The following MACROD2 variants were observed in gnomAD, a reference collection of about 807,000 sequenced individuals.
MACROD2 encodes the protein mono-ADP ribosylhydrolase 2, also known as ADP-ribose glycohydrolase MACROD2.
A neutral mutation model predicts 70.4 loss-of-function variants in MACROD2; 36 were observed. That is an observed-to-expected ratio of 0.51 (90% confidence interval 0.39 to 0.68). The LOEUF (loss-of-function observed/expected upper bound fraction) is 0.68. Among genes scored for constraint, MACROD2 ranks in the 30% least tolerant of loss-of-function variants. The probability of loss-of-function intolerance (pLI) is 0.00; values close to 1 mark genes in which losing one functional copy is unlikely to be tolerated. For missense variants in MACROD2, 496 were observed against 538.4 expected (o/e 0.92, Z 0.78); for synonymous variants, 172 against 178.8 (o/e 0.96, Z 0.30).
chr20:15,393,928 G>A (rs1305585025), intron 6 of MACROD2, among the ~76,000 whole-genome samples: 1 of 152,022 alleles, frequency 6.6e-6, no homozygotes, highest in East Asian at 1.9e-4. Context: ...ATGTACCCTT[G>A]CCTCTGACCT....
At chr20:13,997,214 A>G (rs2052674897) in intron 1 of MACROD2, among the ~76,000 whole-genome samples, 3 of 152,222 alleles carry the variant, frequency 2.0e-5, no homozygotes. Flanking sequence ...ATAGAGAGCT[A>G]ACACTTCTGG....
chr20:14,753,672 A>G (rs1482344142), intron 5 of MACROD2, among the ~76,000 whole-genome samples: 1 of 152,144 alleles, frequency 6.6e-6, no homozygotes, highest in Admixed American at 6.5e-5. Flanking sequence ...GATTTATCTG[A>G]CAGCTTATAG....
At chr20:14,865,829 G>C (rs1402489006) in intron 5 of MACROD2, among the ~76,000 whole-genome samples, 1 of 152,062 alleles carries the variant, frequency 6.6e-6, no homozygotes, top group Non-Finnish European at 1.5e-5. Context: ...GCAAGCCTAG[G>C]TTCTGCCTTG....
In MACROD2 at chr20:14,326,219, C is replaced by G. The variant is rs2082731899; in HGVS notation, c.272-167260C>G. On this transcript the variant is annotated intron_variant, in intron 3 of 17. Transcript: ENST00000684519. This position sits in a 1 kb window ranked among gnomAD's most constrained non-coding sequence, Gnocchi z 5.5. The stretch of plus-strand genomic sequence containing the variant: ...AGTCTCAAAGCAGTCATAGGTAGAG[C>G]AAGTTTCCAAGAGATATGAATGGTA... 6 of 1,613,904 alleles carry G rather than the reference C, an allele frequency of 3.7e-6. No individual in the cohort carries two copies. Among genetic ancestry groups the G allele is most frequent in the East Asian group, 2.2e-5 (1 of 44,868 alleles).
chr20:15,682,649 A>T (rs1021476874), intron 8 of MACROD2, among the ~76,000 whole-genome samples: 2 of 152,186 alleles, frequency 1.3e-5, no homozygotes, highest in African/African-American at 4.8e-5. Context: ...TGCAGGTGGA[A>T]TTTTATCAAA....
intron 2 of MACROD2, among the ~76,000 whole-genome samples, chr20:14,070,768 G>A (rs1456010767): frequency 6.6e-6 from 1 of 152,128 alleles, no homozygotes; most frequent in Non-Finnish European, 1.5e-5. Context: ...TCTGAATCCT[G>A]TCTATGGGTG....
chr20:15,100,942 A>G (rs967817977), intron 5 of MACROD2, among the ~76,000 whole-genome samples: 8 of 152,312 alleles, frequency 5.3e-5, no homozygotes, highest in African/African-American at 1.9e-4. Context: ...AGAGCCACCA[A>G]GAAAGATTCT....
At chr20:15,626,406 G>A (rs571899958) in intron 8 of MACROD2, among the ~76,000 whole-genome samples, 1 of 152,120 alleles carries the variant, frequency 6.6e-6, no homozygotes, top group Non-Finnish European at 1.5e-5. Flanking sequence ...TTTGTTTGAC[G>A]TGCAAACTCT....
At chr20:15,313,506 C>CAAA (rs11314563) in intron 6 of MACROD2, among the ~76,000 whole-genome samples, 12 of 86,178 alleles carry the variant, frequency 1.4e-4, no homozygotes, top group South Asian at 4.1e-4. Flanking sequence ...GACTCCGTCT[C>CAAA]AAAAAAAAAA....
chr20:14,009,695 A>G (rs1158978749), intron 2 of MACROD2, among the ~76,000 whole-genome samples: 1 of 152,226 alleles, frequency 6.6e-6, no homozygotes, highest in Non-Finnish European at 1.5e-5. Context: ...CACTGTTCAC[A>G]ATGGCAAAGA....
intron 5 of MACROD2, among the ~76,000 whole-genome samples, chr20:15,156,635 A>G (rs999826808): frequency 6.6e-6 from 1 of 152,116 alleles, no homozygotes; most frequent in East Asian, 1.9e-4. Flanking sequence ...TTCTGGAACA[A>G]CCACCCTAGG....
At chr20:15,341,232 G>A (rs543036110) in intron 6 of MACROD2, among the ~76,000 whole-genome samples, 2 of 152,214 alleles carry the variant, frequency 1.3e-5, no homozygotes, top group Admixed American at 6.5e-5. Flanking sequence ...TTGATTATGT[G>A]ATTTGCTCTT....
At chr20:14,682,315 G>T (rs2070942142) in intron 4 of MACROD2, among the ~76,000 whole-genome samples, 1 of 151,738 alleles carries the variant, frequency 6.6e-6, no homozygotes, top group African/African-American at 2.4e-5. Flanking sequence ...AGAGAAATTA[G>T]GACTTAATTT....
In MACROD2 at chr20:15,178,758, A is replaced by G. The variant is rs180710744; in HGVS notation, c.419-51182A>G. Among the ~76,000 whole-genome samples, 259 of 152,316 alleles carry G rather than the reference A, an allele frequency of 1.7e-3. 1 individual carries two copies. Among genetic ancestry groups the G allele is most frequent in the East Asian group, 1.9e-3 (10 of 5,180 alleles). On this transcript the variant is annotated intron_variant, in intron 5 of 17. Transcript: ENST00000684519. ...GCAGAATAAAATGTTACAAATGACC[A>G]CTACAGCAGGCCAAGCTGCCAATTT... is the stretch of plus-strand genomic sequence containing the variant.
chr20:14,778,605 T>C (rs552132939), intron 5 of MACROD2, among the ~76,000 whole-genome samples: 1 of 152,238 alleles, frequency 6.6e-6, no homozygotes, highest in East Asian at 1.9e-4. Flanking sequence ...GGCGTAATCT[T>C]AGTGCAGACA....
At chr20:15,367,854 CATA>C (rs1265834904) in intron 6 of MACROD2, among the ~76,000 whole-genome samples, 1 of 151,960 alleles carries the variant, frequency 6.6e-6, no homozygotes, top group Non-Finnish European at 1.5e-5. Context: ...TATTTTTTGT[CATA>C]ATTGCAATGA....
chr20:14,263,970 TAAACACAC>T (rs1194154724), intron 3 of MACROD2, among the ~76,000 whole-genome samples: 2 of 99,712 alleles, frequency 2.0e-5, no homozygotes, highest in Non-Finnish European at 3.8e-5. Flanking sequence ...AGACCCTATC[TAAACACAC>T]ACACACACAC....
At chr20:15,364,306 T>C (rs2045373914) in intron 6 of MACROD2, among the ~76,000 whole-genome samples, 1 of 152,220 alleles carries the variant, frequency 6.6e-6, no homozygotes, top group Admixed American at 6.5e-5. Context: ...GCCTTGTGTG[T>C]ATTGGCCATC....
At chr20:14,237,558 A>T (rs568367062) in intron 3 of MACROD2, among the ~76,000 whole-genome samples, 1 of 151,276 alleles carries the variant, frequency 6.6e-6, no homozygotes, top group African/African-American at 2.4e-5. Context: ...TATTATTATT[A>T]TACTTTAAGT....
Sources: allele counts gnomAD v4.1 joint callset (sites outside exome capture counted in the v4.1 genomes callset), GRCh38; gene constraint gnomAD v4.1.1; non-coding constraint Gnocchi (gnomAD v3.1); transcripts MANE v1.5; gene names NCBI Gene and HGNC (gene_info 2026-07-23, HGNC 2026-07-21).